ENAM: variants seen among roughly 807,000 people sequenced by gnomAD.
The protein encoded by ENAM is enamelin.
Under a neutral mutation model 33.6 loss-of-function variants are expected in ENAM, and 21 were observed. The ratio of observed to expected loss-of-function variants is 0.63; its 90% confidence interval spans 0.44 to 0.90. ENAM has a LOEUF of 0.90. ENAM is among the 40% of genes least tolerant of loss of function. ENAM has a pLI of 0.00. For synonymous variants in ENAM, 473 were observed against 468.4 expected (o/e 1.01, Z -0.13); for missense variants, 1,388 against 1,366.9 (o/e 1.02, Z -0.24).
chr4:70,645,619 C>T lies in ENAM; in HGVS notation c.*764C>T, dbSNP rs1398372751. ...CCCTCTCCTCTCTGATTCCTTTCTT[C>T]CCTTCAATTTATCTTTTTCCCTGTT... On this transcript the variant is annotated 3_prime_UTR_variant, in exon 9 of 9. Coordinates refer to ENST00000396073, the MANE Select transcript of ENAM (RefSeq NM_031889.3). The T allele has an allele frequency of 6.6e-6, 1 of 152,172 alleles. No homozygotes were observed. Among genetic ancestry groups the T allele is most frequent in the Non-Finnish European group, 1.5e-5 (1 of 68,050 alleles). The allele number at this position is 152,172 out of a possible 1,614,324, so 9.4% of individuals were successfully genotyped here.
intron 3 of ENAM, 25 bp from the exon 4 acceptor site, chr4:70,631,824 G>C (rs1738331052): frequency 1.2e-6 from 2 of 1,613,494 alleles, no homozygotes; most frequent in South Asian, 2.2e-5. Flanking sequence ...TTCTGCATTT[G>C]TCACTGACAT....
chr4:70,644,904 T>C lies in ENAM; in HGVS notation c.*49T>C, dbSNP rs1267370895. 1.3e-6 allele frequency: 2 copies of C among 1,536,406 alleles called. No individual in the cohort carries two copies. Among genetic ancestry groups the C allele is most frequent in the African/African-American group, 2.7e-5 (2 of 73,328 alleles). ...GGGGAAAGAGAAATCACTGACATTC[T>C]ATACCAATGGTTCCCAAAATTTTTT... On this transcript the variant is annotated 3_prime_UTR_variant, in exon 9 of 9. Coordinates refer to ENST00000396073, the MANE Select transcript of ENAM (RefSeq NM_031889.3).
chr4:70,644,724 GC>G lies in ENAM; in HGVS notation c.3299del (p.Ala1100ValfsTer9). The G allele has an allele frequency of 6.2e-7, 1 of 1,614,126 alleles. No individual in the cohort carries two copies. Among genetic ancestry groups the G allele is most frequent in the East Asian group, 2.2e-5 (1 of 44,886 alleles). The part of the protein sequence containing the change: ...TENPNTLVEL[A>X]TEEQFKSINV... ...AAATCCTAACACATTGGTTGAGTTA[GC>G]TACTGAGGAACAATTTAAGAGTATA... On this transcript the variant is annotated frameshift_variant, in exon 9 of 9. Transcript: ENST00000396073. LOFTEE classifies it high-confidence loss of function.
At position 70,642,376 on chromosome 4, in the gene ENAM, G is replaced by A. The variant is rs373870116; in HGVS notation, c.950G>A (p.Arg317His). 1.5e-5 allele frequency: 24 copies of A among 1,614,124 alleles called. No individual in the cohort carries two copies. In the Admixed American group the frequency reaches 1.5e-4, roughly 10 times the overall value. The change falls in exon 9 of 9, where the codon CGT becomes CAT. Residue 317 changes from arginine (R) to histidine (H), a missense_variant. Physicochemically the swap from Arg to His is conservative, Grantham distance 29. Coordinates refer to ENST00000396073, the MANE Select transcript of ENAM (RefSeq NM_031889.3). The part of the protein sequence containing the change: ...IPWRPSQPNI[R>H]ENHPYPNIRN... ...TGGAGACCAAGTCAGCCAAATATTC[G>A]TGAAAATCATCCATATCCTAATATA...
At chr4:70,635,401 C>T (rs898063779) in intron 6 of ENAM, among the ~76,000 whole-genome samples, 2 of 151,944 alleles carry the variant, frequency 1.3e-5, no homozygotes, top group Non-Finnish European at 2.9e-5. Context: ...AAAATACTGG[C>T]TTTTGGTCAG....
rs866771576 is a variant in ENAM at position 70,644,379 on chromosome 4, T to C, written c.2953T>C (p.Cys985Arg). Reference sequence around the variant, plus strand: ...TTCCCTTCAATCAAAGAATACACCTTGTCTCAAAAATGATCTTGGAGGAGA... The same window carrying C: ...TTCCCTTCAATCAAAGAATACACCTCGTCTCAAAAATGATCTTGGAGGAGA... ...ASSLQSKNTP[C>R]LKNDLGGDGN... The change falls in exon 9 of 9, where the codon TGT (cysteine) becomes CGT (arginine). Residue 985 changes from cysteine (C) to arginine (R), a missense_variant. Cys to Arg is a radical substitution (Grantham distance 180, BLOSUM62 -3). Transcript: ENST00000396073. 9.9e-6 allele frequency: 16 copies of C among 1,614,062 alleles called. No individual in the cohort carries two copies. In the Middle Eastern group the frequency reaches 6.6e-4, roughly 66 times the overall value.
intron 8 of ENAM, among the ~76,000 whole-genome samples, chr4:70,641,639 C>T (rs1024551808): frequency 1.3e-5 from 2 of 151,958 alleles, no homozygotes; most frequent in African/African-American, 4.8e-5. Flanking sequence ...CCACCTGTCT[C>T]GGCCTCCAAA....
chr4:70,642,199 C>T lies in ENAM; in HGVS notation c.773C>T (p.Pro258Leu). ...GAGACGAATTCTACCCAACCAAATC[C>T]TAAAGGGAGTCAGGGAGGAAATGAC... ...VTETNSTQPNPKGSQGGNDTS... is the reference protein window; with the variant it reads ...VTETNSTQPNLKGSQGGNDTS... The change falls in exon 9 of 9, where the codon CCT becomes CTT. Residue 258 changes from proline (P) to leucine (L), a missense_variant. Pro to Leu is a moderately conservative substitution (Grantham distance 98, BLOSUM62 -3). Coordinates refer to ENST00000396073, the MANE Select transcript of ENAM (RefSeq NM_031889.3). 1.2e-6 allele frequency: 2 copies of T among 1,614,120 alleles called. No individual in the cohort carries two copies. Among genetic ancestry groups the T allele is most frequent in the Non-Finnish European group, 1.7e-6 (2 of 1,180,006 alleles).
chr4:70,630,464 T>C (rs1429234960), intron 2 of ENAM, among the ~76,000 whole-genome samples: 1 of 152,220 alleles, frequency 6.6e-6, no homozygotes, highest in African/African-American at 2.4e-5. Context: ...ACCTTTTATT[T>C]TCCTCTATTG....
rs143134915 is a variant in ENAM at position 70,642,544 on chromosome 4, G to C, written c.1118G>C (p.Arg373Pro). The C allele has an allele frequency of 9.9e-6, 16 of 1,614,022 alleles. No individual in the cohort carries two copies. In the South Asian group the frequency reaches 1.1e-4, roughly 11 times the overall value. The change falls in exon 9 of 9, where the codon CGT becomes CCT. Residue 373 changes from arginine to proline, a missense_variant. Physicochemically the swap from Arg to Pro is moderately radical, Grantham distance 103. Transcript: ENST00000396073. ...FFAWERKQVARPGNPVYHKAY... is the reference protein window; with the variant it reads ...FFAWERKQVAPPGNPVYHKAY... ...GCTTGGGAACGTAAACAAGTAGCTC[G>C]TCCAGGAAATCCAGTTTATCACAAA...
chr4:70,642,812 A>G lies in ENAM; in HGVS notation c.1386A>G (p.Gln462=), dbSNP rs1738637366. The change falls in exon 9 of 9, where the codon CAA becomes CAG. Residue 462 remains glutamine, a synonymous_variant. Transcript: ENST00000396073. ...CAACCAGCCCCTGGAGAAACTCTCA[A>G]CAGTATGAAGTTAATAAATCAAATT... The part of the protein sequence containing the change: ...KNPTSPWRNS[Q]QYEVNKSNYK... 6.2e-7 allele frequency: 1 copy of G among 1,613,954 alleles called. No homozygotes were observed. Among genetic ancestry groups the G allele is most frequent in the Admixed American group, 1.7e-5 (1 of 59,982 alleles).
chr4:70,629,746 T>C (rs920945752), intron 2 of ENAM, among the ~76,000 whole-genome samples, 192 bp downstream of exon 2: 1 of 152,158 alleles, frequency 6.6e-6, no homozygotes, highest in Non-Finnish European at 1.5e-5. Context: ...AGTGTTACTT[T>C]CAACTCAAAA....
At chr4:70,634,978 A>G (rs910404620) in intron 6 of ENAM, among the ~76,000 whole-genome samples, 2 of 152,202 alleles carry the variant, frequency 1.3e-5, no homozygotes, top group Non-Finnish European at 2.9e-5. Flanking sequence ...GCTCTAAAAT[A>G]TTGCTCTTAA....
At chr4:70,637,535 T>C (rs1293464662) in intron 7 of ENAM, 4 of 489,388 alleles carry the variant, frequency 8.2e-6, no homozygotes, top group Non-Finnish European at 1.5e-5. Context: ...TGCCAACAGA[T>C]GCAGCCATAC....
intron 8 of ENAM, among the ~76,000 whole-genome samples, chr4:70,641,523 G>T (rs1738597278): frequency 6.6e-6 from 1 of 151,714 alleles, no homozygotes; most frequent in Non-Finnish European, 1.5e-5. Context: ...GAGTAACTGG[G>T]ACTACAGGTG....
chr4:70,643,487 AG>A lies in ENAM; in HGVS notation c.2063del (p.Gly688ValfsTer17), dbSNP rs755391712. On this transcript the variant is annotated frameshift_variant, in exon 9 of 9. Transcript: ENST00000396073. LOFTEE classifies it low-confidence loss of function (END_TRUNC). Reference protein sequence around the residue: ...KGGPTVRHYEGEQYTSNQPKE... With the variant: ...KGGPTVRHYEXEQYTSNQPKE... ...GAGGCCCAACAGTTAGGCACTATGA[AG>A]GTGAACAATATACCTCAAATCAGCC... The A allele has an allele frequency of 1.2e-6, 2 of 1,614,192 alleles. No homozygotes were observed. The highest frequency in any genetic ancestry group is 1.7e-6 in the Non-Finnish European group (2 of 1,180,026).
chr4:70,632,614 CA>C, intron 4 of ENAM, 36 bp from the exon 5 acceptor site: 2 of 1,460,370 alleles, frequency 1.4e-6, no homozygotes, highest in East Asian at 4.5e-5. Flanking sequence ...ATAAAAGTTT[CA>C]CTTTGTATCA....
chr4:70,636,659 T>G (rs1423484808), intron 7 of ENAM, among the ~76,000 whole-genome samples: 2 of 151,870 alleles, frequency 1.3e-5, no homozygotes, highest in African/African-American at 4.8e-5. Flanking sequence ...ATCCCAGATA[T>G]TCAGGAAGCT....
In ENAM at chr4:70,629,553, T is replaced by G. The variant is rs753680535; in HGVS notation, c.53T>G (p.Leu18Trp). Reference sequence around the variant, plus strand: ...ACCTCTTTTCCTAAACTAGATAACTTGGTGAGTACTTTCATTTATTTTTGC... The same window carrying G: ...ACCTCTTTTCCTAAACTAGATAACTGGGTGAGTACTTTCATTTATTTTTGC... Reference protein sequence around the residue: ...LGTSFPKLDNLVPKGKMKILL... With the variant: ...LGTSFPKLDNWVPKGKMKILL... Residue 18 changes from leucine to tryptophan, a missense_variant and splice_region_variant, in exon 2 of 9, where the codon TTG (leucine) becomes TGG (tryptophan). By Grantham distance (61) the Leu-to-Trp change is moderately conservative (BLOSUM62 -2). Coordinates refer to ENST00000396073, the MANE Select transcript of ENAM (RefSeq NM_031889.3). 3 of 1,610,736 alleles carry G rather than the reference T, an allele frequency of 1.9e-6. No homozygotes were observed. The highest frequency in any genetic ancestry group is 2.5e-6 in the Non-Finnish European group (3 of 1,177,024).
Sources: gnomAD v4.1 joint callset for allele counts (sites outside exome capture counted in the v4.1 genomes callset) on GRCh38, gnomAD v4.1.1 for gene constraint, MANE v1.5 for transcripts, NCBI Gene and HGNC (gene_info 2026-07-23, HGNC 2026-07-21) for gene names.